The following SAMMSON variants were observed in gnomAD, a reference collection of about 807,000 sequenced individuals.
SAMMSON encodes the protein survival associated mitochondrial melanoma specific oncogenic non-coding RNA, also known as long intergenic non-protein coding RNA 1212.
chr3:70,196,543 A>C (rs1701182718), intron 4 of SAMMSON, among the ~76,000 whole-genome samples: 1 of 152,218 alleles, frequency 6.6e-6, no homozygotes, highest in South Asian at 2.1e-4. Context: ...TCAATTCTAA[A>C]AGAATGCACT....
chr3:70,065,138 T>C (rs1447345697), intron 3 of SAMMSON: 2 of 152,122 alleles, frequency 1.3e-5, no homozygotes, highest in African/African-American at 2.4e-5. Flanking sequence ...TTTTTTATTT[T>C]TTTTGCTATG....
intron 4 of SAMMSON, among the ~76,000 whole-genome samples, chr3:70,234,278 C>T (rs1157083750): frequency 6.6e-6 from 1 of 152,136 alleles, no homozygotes; most frequent in Non-Finnish European, 1.5e-5. Flanking sequence ...ATTTAGTCAA[C>T]TCATGTTTAT....
chr3:70,410,680 A>G (rs1701210954), intron 2 of SAMMSON, among the ~76,000 whole-genome samples: 1 of 152,216 alleles, frequency 6.6e-6, no homozygotes, highest in Non-Finnish European at 1.5e-5. Context: ...ATTTGTTACT[A>G]TCGCTTAAAT....
intron 4 of SAMMSON, chr3:70,197,321 T>G (rs556181850): frequency 2.5e-6 from 1 of 396,842 alleles, no homozygotes; most frequent in East Asian, 3.6e-5. Flanking sequence ...ATGTACACCC[T>G]TCTTCTCTCA....
intron 4 of SAMMSON, among the ~76,000 whole-genome samples, chr3:70,240,752 G>A (rs187278328): frequency 1.1e-4 from 17 of 152,238 alleles, no homozygotes; most frequent in African/African-American, 3.4e-4. Context: ...TGCACGAGAA[G>A]ACAGAAGCAA....
At chr3:70,375,455 T>G (rs1285848357) in intron 9 of SAMMSON, among the ~76,000 whole-genome samples, 2 of 151,914 alleles carry the variant, frequency 1.3e-5, no homozygotes, top group Non-Finnish European at 2.9e-5. Flanking sequence ...ATCGATGCTG[T>G]TCTAGACCCT....
chr3:70,267,725 A>G (rs575872931), intron 6 of SAMMSON, among the ~76,000 whole-genome samples: 19 of 151,858 alleles, frequency 1.3e-4, no homozygotes, highest in Admixed American at 4.6e-4. Flanking sequence ...CTAAAATAGC[A>G]TTTTTTAATG....
intron 2 of SAMMSON, among the ~76,000 whole-genome samples, chr3:70,398,799 G>C (rs1243843920): frequency 6.6e-6 from 1 of 152,156 alleles, no homozygotes; most frequent in Non-Finnish European, 1.5e-5. Context: ...TAGATTTGTT[G>C]GAATTACTAC....
At chr3:70,095,448 T>C (rs1006040261) in intron 4 of SAMMSON, among the ~76,000 whole-genome samples, 1 of 152,222 alleles carries the variant, frequency 6.6e-6, no homozygotes, top group African/African-American at 2.4e-5. Flanking sequence ...GACAGGCTCC[T>C]AAGAGAGGTC....
intron 2 of SAMMSON, among the ~76,000 whole-genome samples, chr3:70,432,412 T>C (rs1338674918): frequency 6.6e-6 from 1 of 151,746 alleles, no homozygotes; most frequent in African/African-American, 2.4e-5. Flanking sequence ...TATATATATA[T>C]ACTATCAAAT....
At chr3:70,366,713 T>C (rs12631151) in intron 9 of SAMMSON, among the ~76,000 whole-genome samples, 14,548 of 151,690 alleles carry the variant, frequency 0.096, 987 homozygotes, top group East Asian at 0.4. Context: ...TGCTGAATCA[T>C]ATGGTAAGAC....
intron 3 of SAMMSON, among the ~76,000 whole-genome samples, chr3:70,066,686 G>A (rs1263509162): frequency 6.6e-6 from 1 of 152,082 alleles, no homozygotes; most frequent in Non-Finnish European, 1.5e-5. Flanking sequence ...ATAGATTGAA[G>A]AGAATGATTT....
At chr3:70,062,101 A>C (rs1299711728) in intron 3 of SAMMSON, among the ~76,000 whole-genome samples, 1 of 152,046 alleles carries the variant, frequency 6.6e-6, no homozygotes, top group Non-Finnish European at 1.5e-5. Context: ...CTCTAAGCAC[A>C]TTGCAACCCC....
At chr3:70,245,691 A>ATATATC (rs1559543816) in intron 4 of SAMMSON, among the ~76,000 whole-genome samples, 1 of 135,322 alleles carries the variant, frequency 7.4e-6, no homozygotes, top group African/African-American at 2.7e-5. Flanking sequence ...ATATATATAT[A>ATATATC]TATATATATA....
intron 4 of SAMMSON, among the ~76,000 whole-genome samples, chr3:70,203,311 G>A (rs1434483728): frequency 3.9e-5 from 6 of 152,078 alleles, no homozygotes; most frequent in Admixed American, 6.6e-5. Flanking sequence ...GTTTCCAAAA[G>A]TGTAAAAATC....
intron 4 of SAMMSON, among the ~76,000 whole-genome samples, chr3:70,138,520 A>G (rs1487313872): frequency 6.6e-6 from 1 of 152,228 alleles, no homozygotes; most frequent in Admixed American, 6.5e-5. Flanking sequence ...CAAAGGCCCT[A>G]CATTTTAATA....
intron 6 of SAMMSON, among the ~76,000 whole-genome samples, chr3:70,266,750 C>G (rs999848970): frequency 3.3e-5 from 5 of 152,114 alleles, no homozygotes; most frequent in African/African-American, 9.7e-5. Context: ...CTGGCTTATA[C>G]TTTTCTTTTA....
chr3:70,003,509 T>G (rs897189521), intron 1 of SAMMSON, among the ~76,000 whole-genome samples: 10 of 151,856 alleles, frequency 6.6e-5, no homozygotes, highest in Admixed American at 3.3e-4. Flanking sequence ...ACATGGTTAT[T>G]AAATCTATCT....
At chr3:70,210,707 A>G (rs1171106572) in intron 4 of SAMMSON, among the ~76,000 whole-genome samples, 2 of 152,132 alleles carry the variant, frequency 1.3e-5, no homozygotes, top group African/African-American at 4.8e-5. Context: ...ACATTAATTT[A>G]GAGAAAATAA....
Sources: gnomAD v4.1 joint callset for allele counts (sites outside exome capture counted in the v4.1 genomes callset) on GRCh38, gnomAD v4.1.1 for gene constraint, MANE v1.5 for transcripts, NCBI Gene and HGNC (gene_info 2026-07-23, HGNC 2026-07-21) for gene names.